Variants in SCN1A observed in about 807,000 individuals in gnomAD.
The protein encoded by SCN1A is sodium channel protein type 1 subunit alpha.
Under a neutral mutation model 193.7 loss-of-function variants are expected in SCN1A, and 13 were observed. The ratio of observed to expected loss-of-function variants is 0.07; its 90% CI spans 0.04 to 0.11. The LOEUF is 0.11. SCN1A is among the 10% of genes least tolerant of loss of function. The pLI is 1.00. For missense variants in SCN1A, 1,432 were observed against 2,451.1 expected (o/e 0.58, Z 8.78); for synonymous variants, 781 against 843.6 (o/e 0.93, Z 1.29).
chr2:166,018,205 G>A (rs149803087), intron 19 of SCN1A, among the ~76,000 whole-genome samples: 31 of 151,982 alleles, frequency 2.0e-4, no homozygotes, highest in African/African-American at 7.5e-4. Flanking sequence ...AACCATATTT[G>A]TTTTCTTATG....
At chr2:166,086,802 C>T (rs79133666) in intron 2 of SCN1A, among the ~76,000 whole-genome samples, 2 of 152,156 alleles carry the variant, frequency 1.3e-5, no homozygotes, top group African/African-American at 4.8e-5. Flanking sequence ...TTGTGGTATA[C>T]TGGTCTGGGT....
intron 1 of SCN1A, among the ~76,000 whole-genome samples, chr2:166,144,410 G>C (rs1419504830): frequency 6.6e-6 from 1 of 152,104 alleles, no homozygotes; most frequent in Non-Finnish European, 1.5e-5. Context: ...CCTCTTAAGG[G>C]GGTAATAATC....
intron 19 of SCN1A, among the ~76,000 whole-genome samples, chr2:166,030,717 A>G (rs1410421063): frequency 6.6e-6 from 1 of 152,102 alleles, no homozygotes; most frequent in African/African-American, 2.4e-5. Flanking sequence ...CGATTTGCTC[A>G]TAGTAGAGTT....
chr2:166,111,910 G>C lies in SCN1A; in HGVS notation c.-142+15014C>G, dbSNP rs144999993. Among the ~76,000 whole-genome samples, 238 of 152,266 alleles carry C rather than the reference G, an allele frequency of 1.6e-3. 4 individuals carry two copies. The Middle Eastern group carries it at 0.024, about 15-fold the overall frequency. On this transcript the variant is annotated intron_variant, in intron 2 of 28. Transcript: ENST00000674923. ...AGCCTGAAGATGTGACTGAATTGCT[G>C]CAATGTCATGATAAAACCTTAAGAG... is the stretch of plus-strand genomic sequence containing the variant.
At chr2:166,091,859 A>AT (rs894297766) in intron 2 of SCN1A, among the ~76,000 whole-genome samples, 13 of 151,708 alleles carry the variant, frequency 8.6e-5, no homozygotes, top group East Asian at 3.9e-4. Context: ...GTGCTCAGTA[A>AT]TTTTTTTTTG....
chr2:166,014,203 T>G (rs1692940781), intron 20 of SCN1A, among the ~76,000 whole-genome samples: 1 of 151,602 alleles, frequency 6.6e-6, no homozygotes, highest in Non-Finnish European at 1.5e-5. Context: ...TATCATCCTG[T>G]TGCACTCTGT....
chr2:166,044,966 G>A, intron 13 of SCN1A, 77 bp downstream of exon 13: 2 of 1,485,216 alleles, frequency 1.3e-6, no homozygotes, highest in Admixed American at 3.4e-5. Context: ...AAATTCCTGA[G>A]TCCATTTTCT....
At chr2:166,083,539 A>C (rs114114171) in intron 2 of SCN1A, among the ~76,000 whole-genome samples, 2 of 152,074 alleles carry the variant, frequency 1.3e-5, no homozygotes, top group Non-Finnish European at 2.9e-5. Context: ...AAATTCATTC[A>C]ATCTACATAC....
intron 20 of SCN1A, among the ~76,000 whole-genome samples, chr2:166,014,385 A>G (rs1692965791): frequency 6.6e-6 from 1 of 151,626 alleles, no homozygotes; most frequent in Non-Finnish European, 1.5e-5. Flanking sequence ...AATTTGCATA[A>G]TTAATTTAGT....
chr2:166,042,754 G>C (rs940065697), intron 14 of SCN1A, among the ~76,000 whole-genome samples: 1 of 152,114 alleles, frequency 6.6e-6, no homozygotes, highest in African/African-American at 2.4e-5. Context: ...TAAAAGCCTA[G>C]TAACTTAAAA....
chr2:166,088,785 T>C (rs1311279396), intron 2 of SCN1A, among the ~76,000 whole-genome samples: 1 of 152,028 alleles, frequency 6.6e-6, no homozygotes, highest in East Asian at 1.9e-4. Flanking sequence ...GCGACAACTG[T>C]TGTTGTTCTC....
chr2:166,031,525 T>G (rs1046012044), intron 19 of SCN1A, among the ~76,000 whole-genome samples: 4 of 152,036 alleles, frequency 2.6e-5, no homozygotes, highest in African/African-American at 9.7e-5. Flanking sequence ...AAGAATGTAA[T>G]CAAAACAATT....
chr2:166,121,791 G>A (rs879750561), intron 2 of SCN1A, among the ~76,000 whole-genome samples: 1 of 152,148 alleles, frequency 6.6e-6, no homozygotes, highest in Non-Finnish European at 1.5e-5. Flanking sequence ...AGGCTGAATT[G>A]TATCCTCCCC....
At chr2:166,134,554 A>G (rs1398712829) in intron 1 of SCN1A, among the ~76,000 whole-genome samples, 1 of 152,188 alleles carries the variant, frequency 6.6e-6, no homozygotes, top group Admixed American at 6.5e-5. Context: ...GCGGTTCTTA[A>G]ATATTAACCA....
At chr2:166,143,137 C>A (rs1483184327) in intron 1 of SCN1A, among the ~76,000 whole-genome samples, 2 of 149,346 alleles carry the variant, frequency 1.3e-5, no homozygotes, top group Non-Finnish European at 3.0e-5. Flanking sequence ...TGAAACAAAA[C>A]AAGAAAGATT....
At chr2:166,098,978 A>C (rs1223985753) in intron 2 of SCN1A, among the ~76,000 whole-genome samples, 6 of 152,204 alleles carry the variant, frequency 3.9e-5, no homozygotes, top group Admixed American at 3.9e-4. Flanking sequence ...TCAAACTACC[A>C]ATGTCATTTT....
chr2:166,119,903 C>G (rs1392577897), intron 2 of SCN1A, among the ~76,000 whole-genome samples: 3 of 151,808 alleles, frequency 2.0e-5, no homozygotes, highest in African/African-American at 7.3e-5. Context: ...CACTTTTATT[C>G]TAGTTTTTAA....
chr2:166,130,438 C>T (rs747443822), upstream of SCN1A, among the ~76,000 whole-genome samples: 2 of 152,172 alleles, frequency 1.3e-5, no homozygotes, highest in African/African-American at 2.4e-5. Flanking sequence ...ACCTTTCTTC[C>T]GCCTCCATGT....
At chr2:166,107,942 T>C (rs1337579802) in intron 2 of SCN1A, among the ~76,000 whole-genome samples, 9 of 152,076 alleles carry the variant, frequency 5.9e-5, no homozygotes, top group Admixed American at 5.2e-4. Flanking sequence ...AAAGAGAACA[T>C]TGATAAATTG....
Sources: allele counts gnomAD v4.1 joint callset (sites outside exome capture counted in the v4.1 genomes callset), GRCh38; gene constraint gnomAD v4.1.1; transcripts MANE v1.5; gene names NCBI Gene and HGNC (gene_info 2026-07-23, HGNC 2026-07-21).